MEGF11: variants seen among roughly 807,000 people sequenced by gnomAD.
The protein encoded by MEGF11 is multiple EGF like domains 11.
A neutral mutation model predicts 146.6 loss-of-function variants in MEGF11; 126 were observed. That is an observed-to-expected ratio of 0.86 (90% confidence interval 0.74 to 1.00). MEGF11 has a LOEUF of 1.00. Ranked by LOEUF, MEGF11 falls within the 50% of genes least tolerant of loss-of-function variation. The probability of loss-of-function intolerance (pLI) is 0.00; values close to 1 mark genes in which losing one functional copy is unlikely to be tolerated. For synonymous variants in MEGF11, 532 were observed against 583.4 expected (o/e 0.91, Z 1.27); for missense variants, 1,509 against 1,521.2 (o/e 0.99, Z 0.13).
intron 4 of MEGF11, among the ~76,000 whole-genome samples, chr15:66,099,116 C>T (rs1449471107): frequency 2.6e-5 from 4 of 152,092 alleles, no homozygotes; most frequent in African/African-American, 9.7e-5. Context: ...CAAACACTCT[C>T]CTGGGTTGCA....
At chr15:66,232,240 G>C (rs2091982056) in intron 1 of MEGF11, among the ~76,000 whole-genome samples, 2 of 152,130 alleles carry the variant, frequency 1.3e-5, no homozygotes, top group African/African-American at 4.8e-5. Flanking sequence ...ACAGGCTGTA[G>C]AGACCTTCTC....
At chr15:66,226,903 G>A (rs2091864844) in intron 1 of MEGF11, among the ~76,000 whole-genome samples, 1 of 152,190 alleles carries the variant, frequency 6.6e-6, no homozygotes, top group Non-Finnish European at 1.5e-5. Context: ...GGGGCTTCAG[G>A]CTCTGCTGGG....
chr15:65,964,426 G>T (rs1038151920), intron 9 of MEGF11, among the ~76,000 whole-genome samples: 3 of 152,162 alleles, frequency 2.0e-5, no homozygotes, highest in African/African-American at 7.2e-5. Context: ...GATTTTTAAG[G>T]TCCCTTCGAG....
chr15:65,898,003 A>G lies in MEGF11; in HGVS notation c.3354T>C (p.Pro1118=). The G allele has an allele frequency of 1.2e-6, 2 of 1,614,072 alleles. No homozygotes were observed. Among genetic ancestry groups the G allele is most frequent in the Non-Finnish European group, 1.7e-6 (2 of 1,179,892 alleles). ...TTACTGGGAGGAGGTCATAATGACC[A>G]GGAATATGGCTGTTCCTAGGTAGGT... is the stretch of plus-strand genomic sequence containing the variant. ...AYDLPRNSHI[P]GHYDLLPVRQ... The change falls in exon 26 of 26, where the codon CCT becomes CCC. Residue 1118 remains proline, a synonymous_variant. Coordinates refer to ENST00000395614, the MANE Select transcript of MEGF11 (RefSeq NM_001385028.1).
At chr15:66,010,772 T>A (rs1225898073) in intron 5 of MEGF11, among the ~76,000 whole-genome samples, 1 of 152,170 alleles carries the variant, frequency 6.6e-6, no homozygotes, top group Non-Finnish European at 1.5e-5. Flanking sequence ...AAACATGGGG[T>A]TCCACCACTA....
intron 5 of MEGF11, among the ~76,000 whole-genome samples, chr15:66,052,255 G>T (rs913917740): frequency 1.3e-5 from 2 of 152,138 alleles, no homozygotes; most frequent in Non-Finnish European, 2.9e-5. Context: ...GGGGTGGGGG[G>T]CAAGGTGTTT....
chr15:66,127,076 A>G (rs1166374297), intron 2 of MEGF11, among the ~76,000 whole-genome samples: 1 of 152,142 alleles, frequency 6.6e-6, no homozygotes, highest in African/African-American at 2.4e-5. Flanking sequence ...TGATCCTCCA[A>G]TGAGCCTGTG....
intron 1 of MEGF11, among the ~76,000 whole-genome samples, chr15:66,237,936 T>G (rs4776293): frequency 0.94 from 142,775 of 152,238 alleles, 67,270 homozygotes; most frequent in Non-Finnish European, 0.98. Flanking sequence ...GAAGGGAAAA[T>G]ACAGCAATAT....
At chr15:66,041,738 T>C (rs1399799846) in intron 5 of MEGF11, among the ~76,000 whole-genome samples, 3 of 152,222 alleles carry the variant, frequency 2.0e-5, no homozygotes, top group Non-Finnish European at 4.4e-5. Context: ...CAGAAAAAGT[T>C]TGCCAATCCC....
intron 1 of MEGF11, among the ~76,000 whole-genome samples, chr15:66,166,662 G>T (rs750949593): frequency 2.6e-5 from 4 of 151,572 alleles, no homozygotes; most frequent in African/African-American, 9.7e-5. Flanking sequence ...CAGCAAGCTC[G>T]TTCCCAGCTC....
chr15:65,988,008 CTTTTT>C (rs35039801), intron 5 of MEGF11, among the ~76,000 whole-genome samples: 4 of 93,614 alleles, frequency 4.3e-5, no homozygotes, highest in Non-Finnish European at 6.3e-5. Flanking sequence ...AGTACCCGGT[CTTTTT>C]TTTTTTTTTT....
chr15:65,938,555 C>T (rs1399041270), intron 10 of MEGF11, among the ~76,000 whole-genome samples: 1 of 152,218 alleles, frequency 6.6e-6, no homozygotes, highest in Non-Finnish European at 1.5e-5. Context: ...CCCATCTCCC[C>T]AGTCCACACC....
At chr15:66,070,614 C>CT (rs2085324328) in intron 5 of MEGF11, among the ~76,000 whole-genome samples, 1 of 152,180 alleles carries the variant, frequency 6.6e-6, no homozygotes, top group Admixed American at 6.5e-5. Context: ...ATCTGCAGAG[C>CT]TAGATAGGTA....
At chr15:66,104,005 T>C (rs1441069956) in intron 4 of MEGF11, among the ~76,000 whole-genome samples, 2 of 152,258 alleles carry the variant, frequency 1.3e-5, no homozygotes, top group African/African-American at 4.8e-5. Context: ...ATTTCACTCC[T>C]CTGAGTCTCA....
chr15:65,896,006 G>A lies in MEGF11; in HGVS notation c.*1928C>T, dbSNP rs1460399667. On this transcript the variant is annotated 3_prime_UTR_variant, in exon 26 of 26. Transcript: ENST00000395614. Reference sequence around the variant, plus strand: ...GCAGTTATTGTACATGCAGGATAAGGGAAGAAGAGAAAACCTGGGATTGAG... The same window carrying A: ...GCAGTTATTGTACATGCAGGATAAGAGAAGAAGAGAAAACCTGGGATTGAG... The A allele has an allele frequency of 2.0e-5, 3 of 152,174 alleles. No individual in the cohort carries two copies. The highest frequency in any genetic ancestry group is 4.4e-5 in the Non-Finnish European group (3 of 68,042). 9.4% of individuals were successfully genotyped at this position (152,174 alleles called of 1,614,324 possible). A position where few individuals can be genotyped will look rare whatever the true frequency, so the allele number is the denominator to read the frequency against.
intron 5 of MEGF11, among the ~76,000 whole-genome samples, chr15:66,026,814 T>C (rs1177029679): frequency 6.6e-6 from 1 of 152,194 alleles, no homozygotes; most frequent in Non-Finnish European, 1.5e-5. Context: ...GCTCTGGCTA[T>C]GTGGATTTAG....
At chr15:65,924,043 GTGAT>G (rs1181871865) in intron 13 of MEGF11, among the ~76,000 whole-genome samples, 1 of 152,188 alleles carries the variant, frequency 6.6e-6, no homozygotes, top group Non-Finnish European at 1.5e-5. Flanking sequence ...TATAAGGACA[GTGAT>G]TGTGGGAAAG....
intron 10 of MEGF11, among the ~76,000 whole-genome samples, chr15:65,954,502 C>T (rs1165200060): frequency 2.6e-5 from 4 of 152,166 alleles, no homozygotes; most frequent in African/African-American, 9.7e-5. Context: ...CAGCCCCTGC[C>T]CAACATCCAA....
At chr15:65,993,639 GC>G (rs1490114493) in intron 5 of MEGF11, among the ~76,000 whole-genome samples, 3 of 152,202 alleles carry the variant, frequency 2.0e-5, no homozygotes, top group Admixed American at 1.3e-4. Context: ...CAAGTCTCAG[GC>G]TGTGTGGGGG....
Sources: gnomAD v4.1 joint callset for allele counts (sites outside exome capture counted in the v4.1 genomes callset) on GRCh38, gnomAD v4.1.1 for gene constraint, MANE v1.5 for transcripts, NCBI Gene and HGNC (gene_info 2026-07-23, HGNC 2026-07-21) for gene names.